The following ICA1 variants were observed in gnomAD, a reference collection of about 807,000 sequenced individuals.
The protein encoded by ICA1 is 69 kDa islet cell autoantigen.
Under a neutral mutation model 71.0 loss-of-function variants are expected in ICA1, and 40 were observed. That is an observed-to-expected ratio of 0.56 (90% CI 0.44 to 0.73). ICA1 has a LOEUF of 0.73. ICA1 is among the 30% of genes least tolerant of loss of function. ICA1 has a pLI of 0.00. For synonymous variants in ICA1, 207 were observed against 209.5 expected (o/e 0.99, Z 0.10); for missense variants, 578 against 576.5 (o/e 1.00, Z -0.03).
intron 1 of ICA1, among the ~76,000 whole-genome samples, chr7:8,240,764 A>G (rs1469549946): frequency 6.6e-6 from 1 of 152,226 alleles, no homozygotes; most frequent in Non-Finnish European, 1.5e-5. Context: ...TACGTGACGC[A>G]TTTACAAGCT....
At chr7:8,249,519 G>C (rs1378850660) in intron 1 of ICA1, among the ~76,000 whole-genome samples, 1 of 152,276 alleles carries the variant, frequency 6.6e-6, no homozygotes, top group East Asian at 1.9e-4. Flanking sequence ...TTTCACACTC[G>C]GTGGGCACCA....
chr7:8,200,830 T>A (rs1288144628), intron 6 of ICA1, among the ~76,000 whole-genome samples: 1 of 152,216 alleles, frequency 6.6e-6, no homozygotes, highest in East Asian at 1.9e-4. Flanking sequence ...TTTCATAATT[T>A]ATCATTCTTT....
chr7:8,164,262 G>A lies in ICA1; in HGVS notation c.580-5610C>T, dbSNP rs117617114. On this transcript the variant is annotated intron_variant, in intron 6 of 13. Transcript: ENST00000402384. The stretch of plus-strand genomic sequence containing the variant: ...GAGGTAGCAGTGAACTGAGATCGTC[G>A]CACTGCACTCCAGCCTGGGCGACCG... 1.3e-3 allele frequency among the ~76,000 whole-genome samples: 175 copies of A among 131,698 alleles called. 4 individuals carry two copies. The East Asian group carries it at 0.033, about 25-fold the overall frequency. 86.4% of individuals were successfully genotyped at this position (131,698 alleles called of 152,430 possible).
rs529458396 is a variant in ICA1 at position 8,211,695 on chromosome 7, T to A, written c.579+6610A>T. Among the ~76,000 whole-genome samples, 286 of 152,362 alleles carry A rather than the reference T, an allele frequency of 1.9e-3. 1 individual carries two copies. Among genetic ancestry groups the A allele is most frequent in the African/African-American group, 6.6e-3 (274 of 41,586 alleles). On this transcript the variant is annotated intron_variant, in intron 6 of 13. Coordinates refer to ENST00000402384, the MANE Select transcript of ICA1 (RefSeq NM_001136020.3). ...TGGCAAATTTTATGGTATGTGTTTC[T>A]TTTTACCACAATTAAAAAATTTTAA...
chr7:8,199,295 T>G (rs1163438678), intron 6 of ICA1, among the ~76,000 whole-genome samples: 2 of 152,192 alleles, frequency 1.3e-5, no homozygotes, highest in African/African-American at 2.4e-5. Context: ...TTGCAGCAAA[T>G]ACAGGCTCTT....
chr7:8,140,818 T>C (rs1417915067), intron 10 of ICA1, among the ~76,000 whole-genome samples: 2 of 151,696 alleles, frequency 1.3e-5, no homozygotes, highest in Middle Eastern at 3.2e-3. Flanking sequence ...GAAAAGCAAA[T>C]AGGAGGAGAA....
At chr7:8,172,759 C>A (rs1044371433) in intron 6 of ICA1, among the ~76,000 whole-genome samples, 1 of 152,116 alleles carries the variant, frequency 6.6e-6, no homozygotes, top group Non-Finnish European at 1.5e-5. Flanking sequence ...TTTTAAAATT[C>A]TCTTTTAAAA....
At chr7:8,127,199 C>T (rs1391291210) in intron 13 of ICA1, among the ~76,000 whole-genome samples, 1 of 149,838 alleles carries the variant, frequency 6.7e-6, no homozygotes, top group African/African-American at 2.5e-5. Flanking sequence ...CCATTGTTGG[C>T]CAGGCTGGTC....
intron 7 of ICA1, among the ~76,000 whole-genome samples, chr7:8,158,062 T>C (rs1802360144): frequency 6.6e-6 from 1 of 152,168 alleles, no homozygotes; most frequent in Admixed American, 6.5e-5. Context: ...CTCAGTAGCA[T>C]TGTTGATGCA....
chr7:8,154,305 C>T (rs1400024006), intron 8 of ICA1, among the ~76,000 whole-genome samples: 3 of 152,108 alleles, frequency 2.0e-5, no homozygotes, highest in African/African-American at 7.2e-5. Flanking sequence ...AAACTTTGTG[C>T]TTCTTGGGGC....
At chr7:8,157,479 A>C in intron 7 of ICA1, 1 of 439,780 alleles carries the variant, frequency 2.3e-6, no homozygotes, top group Non-Finnish European at 4.0e-6. Context: ...TTCTCATCTG[A>C]TCCATCCTCC....
intron 12 of ICA1, among the ~76,000 whole-genome samples, chr7:8,129,363 A>G (rs971984025): frequency 2.7e-5 from 4 of 149,748 alleles, no homozygotes; most frequent in African/African-American, 4.9e-5. Flanking sequence ...TTAGTAAGTA[A>G]AGGCTTTTTT....
intron 6 of ICA1, among the ~76,000 whole-genome samples, chr7:8,167,238 G>A (rs1263554605): frequency 6.6e-6 from 1 of 152,148 alleles, no homozygotes; most frequent in Non-Finnish European, 1.5e-5. Flanking sequence ...ACCCACCAGT[G>A]GTAGAGTGGA....
At position 8,130,294 on chromosome 7, in the gene ICA1, AT is replaced by A. The variant is rs1162618335; in HGVS notation, c.1061-2153del. The stretch of plus-strand genomic sequence containing the variant: ...GTTCAGGAACCACTTGAGCCTGCAC[AT>A]GGTGGGCGAGGCAGGACTGTAAGGT... On this transcript the variant is annotated intron_variant, in intron 12 of 13. Coordinates refer to ENST00000402384, the MANE Select transcript of ICA1 (RefSeq NM_001136020.3). This position sits in a 1 kb window ranked among gnomAD's most constrained non-coding sequence, Gnocchi z 4.2. Among the ~76,000 whole-genome samples the A allele has an allele frequency of 3.3e-4, 51 of 152,340 alleles. No individual in the cohort carries two copies. The highest frequency in any genetic ancestry group is 1.2e-3 in the African/African-American group (49 of 41,592).
intron 6 of ICA1, among the ~76,000 whole-genome samples, chr7:8,167,616 CT>C (rs1433405036): frequency 6.6e-6 from 1 of 152,094 alleles, no homozygotes; most frequent in Non-Finnish European, 1.5e-5. Flanking sequence ...ACCTGTACCC[CT>C]GAACCTAAAA....
intron 8 of ICA1, chr7:8,156,594 A>G (rs1223404913): frequency 3.5e-5 from 13 of 368,840 alleles, no homozygotes; most frequent in Non-Finnish European, 5.7e-5. Flanking sequence ...CTGCTTTTTC[A>G]ATTAGAAAAT....
At chr7:8,153,601 G>C (rs1800419293) in intron 8 of ICA1, among the ~76,000 whole-genome samples, 2 of 152,052 alleles carry the variant, frequency 1.3e-5, no homozygotes, top group African/African-American at 4.8e-5. Flanking sequence ...CTCAGTGTTG[G>C]TAATTTAAGA....
intron 6 of ICA1, among the ~76,000 whole-genome samples, chr7:8,178,026 G>T (rs1209552963): frequency 1.3e-5 from 2 of 152,172 alleles, no homozygotes. Flanking sequence ...TCTGGCCCTG[G>T]CCCACTTCTC....
In ICA1 at chr7:8,185,080, G is replaced by GA. The variant is rs939687240; in HGVS notation, c.580-26429dup. ...CAGAGTGAGACTATGTCTCAAAAAA[G>GA]AAAAAAAAAAAGGAAAAAAGGAAAT... On this transcript the variant is annotated intron_variant, in intron 6 of 13. Coordinates refer to ENST00000402384, the MANE Select transcript of ICA1 (RefSeq NM_001136020.3). Among the ~76,000 whole-genome samples, 456 of 105,448 alleles carry GA rather than the reference G, an allele frequency of 4.3e-3. 1 individual carries two copies. Among genetic ancestry groups the GA allele is most frequent in the Non-Finnish European group, 6.3e-3 (305 of 48,484 alleles). 69.2% of individuals were successfully genotyped at this position (105,448 alleles called of 152,430 possible).
Sources: gnomAD v4.1 joint callset for allele counts (sites outside exome capture counted in the v4.1 genomes callset) on GRCh38, gnomAD v4.1.1 for gene constraint, Gnocchi (gnomAD v3.1) non-coding constraint, MANE v1.5 for transcripts, NCBI Gene and HGNC (gene_info 2026-07-23, HGNC 2026-07-21) for gene names.